Variants in C19orf18 observed in about 807,000 individuals in gnomAD.
C19orf18 encodes the protein uncharacterized protein C19orf18.
In C19orf18, 21 loss-of-function variants were observed where a neutral mutation model predicts 23.3. The observed-to-expected ratio is 0.90, with a 90% CI of 0.64 to 1.30. C19orf18 has a LOEUF of 1.30. Ranked by LOEUF, C19orf18 falls within the 50% of genes most tolerant of loss-of-function variation. C19orf18 has a pLI of 0.00. For synonymous variants in C19orf18, 96 were observed against 95.2 expected (o/e 1.01, Z -0.05); for missense variants, 249 against 259.6 (o/e 0.96, Z 0.28).
At chr19:57,962,560 A>C (rs995713805) in intron 4 of C19orf18, among the ~76,000 whole-genome samples, 1 of 152,210 alleles carries the variant, frequency 6.6e-6, no homozygotes, top group African/African-American at 2.4e-5. Flanking sequence ...ATATATTAAA[A>C]AAATACTTTT....
At chr19:57,959,685 C>A (rs1472438287) in intron 5 of C19orf18, among the ~76,000 whole-genome samples, 1 of 151,042 alleles carries the variant, frequency 6.6e-6, no homozygotes, top group South Asian at 2.1e-4. Context: ...GTCCCAGCAA[C>A]TCAGGAGGCT....
At chr19:57,968,656 G>C (rs2072923952) in intron 3 of C19orf18, among the ~76,000 whole-genome samples, 1 of 152,102 alleles carries the variant, frequency 6.6e-6, no homozygotes, top group Non-Finnish European at 1.5e-5. Context: ...GGGAGAAATA[G>C]ACTAGGAAAA....
chr19:57,960,788 A>G (rs2072863755), intron 5 of C19orf18, among the ~76,000 whole-genome samples: 1 of 152,178 alleles, frequency 6.6e-6, no homozygotes, highest in East Asian at 1.9e-4. Context: ...CCCCTCTGTA[A>G]GATTTGATGA....
chr19:57,972,405 T>A (rs1165186963), intron 3 of C19orf18, 58 bp downstream of exon 3: 3 of 1,592,798 alleles, frequency 1.9e-6, no homozygotes, highest in Non-Finnish European at 2.6e-6. Context: ...GAGCCACACA[T>A]CACGACAGCT....
At chr19:57,960,974 T>C (rs1220205864) in intron 5 of C19orf18, among the ~76,000 whole-genome samples, 1 of 151,852 alleles carries the variant, frequency 6.6e-6, no homozygotes, top group Non-Finnish European at 1.5e-5. Context: ...GGTCAGGAGA[T>C]CGAGACCATC....
At chr19:57,970,745 A>T (rs748387073) in intron 3 of C19orf18, among the ~76,000 whole-genome samples, 2 of 151,872 alleles carry the variant, frequency 1.3e-5, no homozygotes, top group Non-Finnish European at 2.9e-5. Flanking sequence ...TTTTTAGTAG[A>T]GATGGGGTTT....
At chr19:57,960,884 A>C (rs2072864636) in intron 5 of C19orf18, among the ~76,000 whole-genome samples, 1 of 152,126 alleles carries the variant, frequency 6.6e-6, no homozygotes, top group African/African-American at 2.4e-5. Flanking sequence ...TTTGCCTTTG[A>C]AAACCAAGCC....
chr19:57,974,158 T>A lies in C19orf18; in HGVS notation c.167A>T (p.Lys56Ile), dbSNP rs757592069. ...QPPRNITKEP[K>I]VFFHKTQLPG... ...CAACTGGGTTTTATGAAAGAACACT[T>A]TGGGCTCTTTGGTGATGTTTCTGGG... The change falls in exon 2 of 6, where the codon AAA becomes ATA. Residue 56 changes from lysine (K) to isoleucine (I), a missense_variant. Physicochemically the swap from Lys to Ile is moderately radical, Grantham distance 102. Coordinates refer to ENST00000314391, the MANE Select transcript of C19orf18 (RefSeq NM_152474.5). 3 of 1,613,954 alleles carry A rather than the reference T, an allele frequency of 1.9e-6. No homozygotes were observed. Among genetic ancestry groups the A allele is most frequent in the Non-Finnish European group, 8.5e-7 (1 of 1,180,020 alleles).
At chr19:57,967,265 C>T (rs550528285) in intron 3 of C19orf18, among the ~76,000 whole-genome samples, 29 of 152,116 alleles carry the variant, frequency 1.9e-4, no homozygotes, top group Admixed American at 5.9e-4. Context: ...TTTTGGGGAA[C>T]TTTGTATAAA....
At chr19:57,966,871 A>G (rs1402988458) in intron 3 of C19orf18, among the ~76,000 whole-genome samples, 1 of 151,766 alleles carries the variant, frequency 6.6e-6, no homozygotes, top group Non-Finnish European at 1.5e-5. Context: ...CCCGGGTCCG[A>G]GCAATTCTCC....
At chr19:57,967,828 C>T (rs1359223854) in intron 3 of C19orf18, among the ~76,000 whole-genome samples, 3 of 144,274 alleles carry the variant, frequency 2.1e-5, no homozygotes, top group Admixed American at 1.4e-4. Context: ...ACCAACACGG[C>T]GAAACCCCAT....
rs1286527880 is a variant in C19orf18, at chr19:57,972,484, T to C, written c.247A>G (p.Met83Val). The C allele has an allele frequency of 6.2e-7, 1 of 1,614,062 alleles. No individual in the cohort carries two copies. Among genetic ancestry groups the C allele is most frequent in the Non-Finnish European group, 8.5e-7 (1 of 1,179,942 alleles). Residue 83 changes from methionine to valine, a missense_variant, in exon 3 of 6, where the codon ATG becomes GTG. Coordinates refer to ENST00000314391, the MANE Select transcript of C19orf18 (RefSeq NM_152474.5). ...TTACCTTTATTCCTCAGGAATTTCATGGGGTTCGTAGGGGATGCAGCTAAA... is the reference window on the plus strand; with the variant it reads ...TTACCTTTATTCCTCAGGAATTTCACGGGGTTCGTAGGGGATGCAGCTAAA... ...RSTAASPTNP[M>V]KFLRNKAIIR...
chr19:57,962,900 T>C (rs544764833), intron 4 of C19orf18, among the ~76,000 whole-genome samples: 2 of 151,998 alleles, frequency 1.3e-5, no homozygotes, highest in South Asian at 4.2e-4. Context: ...TTATTTTTTG[T>C]TTTTCTTGCT....
intron 1 of C19orf18, 31 bp downstream of exon 1, chr19:57,974,281 T>C (rs932469601): frequency 4.3e-6 from 7 of 1,613,460 alleles, no homozygotes; most frequent in East Asian, 4.5e-5. Context: ...CAATTCTCCC[T>C]GAGTCACATA....
At chr19:57,964,470 C>T (rs1177764223) in intron 4 of C19orf18, among the ~76,000 whole-genome samples, 1 of 152,088 alleles carries the variant, frequency 6.6e-6, no homozygotes, top group East Asian at 1.9e-4. Context: ...TTTGTATAGA[C>T]GCGGTTTCAC....
At position 57,973,500 on chromosome 19, in the gene C19orf18, C is replaced by A. The variant is rs187023390; in HGVS notation, c.226+599G>T. The stretch of plus-strand genomic sequence containing the variant: ...CAGCACTTTGAGAGGCCGAGGCGGG[C>A]GGATCATGAGGTCAGGAGATCAAGA... On this transcript the variant is annotated intron_variant, in intron 2 of 5. Transcript: ENST00000314391. 6.6e-3 allele frequency among the ~76,000 whole-genome samples: 1,010 copies of A among 152,034 alleles called. 10 individuals carry two copies. The highest frequency in any genetic ancestry group is 0.023 in the African/African-American group (969 of 41,488).
intron 5 of C19orf18, among the ~76,000 whole-genome samples, chr19:57,959,365 G>A (rs2072849559): frequency 6.6e-6 from 1 of 152,126 alleles, no homozygotes; most frequent in Non-Finnish European, 1.5e-5. Flanking sequence ...GCTCATGCCT[G>A]TAATCCCAGG....
intron 3 of C19orf18, among the ~76,000 whole-genome samples, chr19:57,970,560 G>C (rs1235685918): frequency 6.6e-6 from 1 of 151,772 alleles, no homozygotes; most frequent in African/African-American, 2.4e-5. Flanking sequence ...TTCTTACTAT[G>C]AGTAAGGTAG....
chr19:57,960,298 T>C (rs904397141), intron 5 of C19orf18, among the ~76,000 whole-genome samples: 4 of 142,444 alleles, frequency 2.8e-5, no homozygotes, highest in African/African-American at 1.0e-4. Context: ...TGGTGGCGGG[T>C]GCCTATAGTC....
Sources: allele counts gnomAD v4.1 joint callset (sites outside exome capture counted in the v4.1 genomes callset), GRCh38; gene constraint gnomAD v4.1.1; transcripts MANE v1.5; gene names NCBI Gene and HGNC (gene_info 2026-07-23, HGNC 2026-07-21).